EPHB1: variants seen among roughly 807,000 people sequenced by gnomAD.
EPHB1 encodes the protein ephrin type-B receptor 1.
In EPHB1, 30 loss-of-function variants were observed where a neutral mutation model predicts 94.4. The ratio of observed to expected loss-of-function variants is 0.32; its 90% confidence interval spans 0.24 to 0.43. The LOEUF (loss-of-function observed/expected upper bound fraction) is 0.43. EPHB1 is among the 20% of genes least tolerant of loss of function. The probability of loss-of-function intolerance (pLI) is 1.00; values close to 1 mark genes in which losing one functional copy is unlikely to be tolerated. For synonymous variants in EPHB1, 522 were observed against 489.1 expected, an observed-to-expected ratio of 1.07 and a Z score of -0.89; for missense variants, 1,055 against 1,308.3, an observed-to-expected ratio of 0.81 and a Z score of 2.99.
At chr3:134,891,015 C>A (rs2037969247) in intron 1 of EPHB1, among the ~76,000 whole-genome samples, 1 of 152,164 alleles carries the variant, frequency 6.6e-6, no homozygotes. Flanking sequence ...TCCTCCTTTC[C>A]AATTTATACA....
At chr3:135,094,290 G>C (rs1420990714) in intron 3 of EPHB1, among the ~76,000 whole-genome samples, 4 of 152,170 alleles carry the variant, frequency 2.6e-5, no homozygotes, top group African/African-American at 9.7e-5. Flanking sequence ...GAGAGTGAAG[G>C]ACCAGGCCCT....
chr3:134,990,887 G>A (rs1934773333), intron 3 of EPHB1, among the ~76,000 whole-genome samples: 1 of 152,126 alleles, frequency 6.6e-6, no homozygotes, highest in Non-Finnish European at 1.5e-5. Flanking sequence ...CCTGAACTCG[G>A]CAATCTCCCT....
At chr3:134,872,545 C>A (rs991248645) in intron 1 of EPHB1, among the ~76,000 whole-genome samples, 2 of 152,192 alleles carry the variant, frequency 1.3e-5, no homozygotes, top group African/African-American at 2.4e-5. Context: ...TTACACATCA[C>A]AGATTTCCAA....
At chr3:135,096,941 CAA>C (rs1938803603) in intron 3 of EPHB1, among the ~76,000 whole-genome samples, 1 of 151,902 alleles carries the variant, frequency 6.6e-6, no homozygotes, top group Non-Finnish European at 1.5e-5. Context: ...ACTTAAAAAA[CAA>C]AAGTTAGCCA....
intron 13 of EPHB1, among the ~76,000 whole-genome samples, chr3:135,248,012 C>T (rs1943969990): frequency 6.6e-6 from 1 of 152,176 alleles, no homozygotes; most frequent in African/African-American, 2.4e-5. Flanking sequence ...AGCGGAGATG[C>T]TCAAGCTGTT....
intron 12 of EPHB1, among the ~76,000 whole-genome samples, chr3:135,227,774 C>T (rs80137762): frequency 0.016 from 2,434 of 152,146 alleles, 63 homozygotes; most frequent in African/African-American, 0.054. Flanking sequence ...AAAGAAAGTT[C>T]CCAGAATAAG....
rs747593184 is a variant in EPHB1 at position 135,156,127 on chromosome 3, T to G, written c.1422+1851T>G. 9.9e-5 allele frequency among the ~76,000 whole-genome samples: 15 copies of G among 151,904 alleles called. 1 individual carries two copies. Among genetic ancestry groups the G allele is most frequent in the Admixed American group, 8.5e-4 (13 of 15,224 alleles). On this transcript the variant is annotated intron_variant, in intron 6 of 15. Transcript: ENST00000398015. ...CGGCACTGACTGAGAAGGTGATCAC[T>G]GTGGGTAGAGCATATCTGATGTGAG...
At chr3:134,811,256 T>TTTTTTTTTTTTTTTTTTTTG (rs1553853019) in intron 1 of EPHB1, among the ~76,000 whole-genome samples, 1 of 134,866 alleles carries the variant, frequency 7.4e-6, no homozygotes, top group Non-Finnish European at 1.6e-5. Context: ...TTTTTTTTTT[T>TTTTTTTTTTTTTTTTTTTTG]TTTTTTTCTG....
At chr3:134,932,962 C>T (rs893977091) in intron 2 of EPHB1, among the ~76,000 whole-genome samples, 14 of 152,264 alleles carry the variant, frequency 9.2e-5, no homozygotes, top group African/African-American at 3.1e-4. Context: ...TGGACCTGAT[C>T]GCGGATTGCT....
At chr3:135,091,441 C>T (rs1044265947) in intron 3 of EPHB1, among the ~76,000 whole-genome samples, 22 of 152,336 alleles carry the variant, frequency 1.4e-4, no homozygotes, top group African/African-American at 5.3e-4. Context: ...GTTAAAGTCT[C>T]AGCACTCTGC....
At chr3:135,076,626 G>A (rs2103154) in intron 3 of EPHB1, among the ~76,000 whole-genome samples, 62,314 of 152,014 alleles carry the variant, frequency 0.41, 13,453 homozygotes, top group Middle Eastern at 0.5. Context: ...ATATGTCCAT[G>A]AAGTGACTTG....
intron 1 of EPHB1, among the ~76,000 whole-genome samples, chr3:134,877,810 T>G (rs925659815): frequency 1.3e-5 from 2 of 152,166 alleles, no homozygotes; most frequent in African/African-American, 4.8e-5. Context: ...CTGGAGGGCC[T>G]GGGGATGCTG....
chr3:135,014,161 C>T (rs1935715032), intron 3 of EPHB1, among the ~76,000 whole-genome samples: 1 of 152,098 alleles, frequency 6.6e-6, no homozygotes, highest in Admixed American at 6.5e-5. Flanking sequence ...AAACCAGCTA[C>T]CTGGATGCTC....
At chr3:134,844,447 A>G (rs1387531234) in intron 1 of EPHB1, among the ~76,000 whole-genome samples, 1 of 152,152 alleles carries the variant, frequency 6.6e-6, no homozygotes, top group Admixed American at 6.5e-5. Context: ...TTAATTGGGT[A>G]TGTGCACATC....
At chr3:135,170,056 G>C (rs1382255263) in intron 9 of EPHB1, among the ~76,000 whole-genome samples, 1 of 152,202 alleles carries the variant, frequency 6.6e-6, no homozygotes, top group African/African-American at 2.4e-5. Context: ...GTTGCAGACA[G>C]CAATTGGAGC....
intron 1 of EPHB1, among the ~76,000 whole-genome samples, chr3:134,905,025 A>G (rs1474854169): frequency 6.6e-6 from 1 of 152,212 alleles, no homozygotes; most frequent in Non-Finnish European, 1.5e-5. Flanking sequence ...GTAAAACAAA[A>G]GTAATGGGGC....
chr3:134,861,086 G>A (rs1018195337), intron 1 of EPHB1, among the ~76,000 whole-genome samples: 2 of 152,124 alleles, frequency 1.3e-5, no homozygotes, highest in African/African-American at 4.8e-5. Context: ...GAACTGTAAC[G>A]CCAGTTAGAG....
intron 1 of EPHB1, among the ~76,000 whole-genome samples, chr3:134,819,421 A>C (rs776466992): frequency 6.6e-6 from 1 of 152,152 alleles, no homozygotes; most frequent in Non-Finnish European, 1.5e-5. Context: ...CCAGGTTCTC[A>C]TCTCCACTTG....
chr3:135,241,591 C>G (rs1269813401), intron 13 of EPHB1, among the ~76,000 whole-genome samples: 1 of 152,170 alleles, frequency 6.6e-6, no homozygotes, highest in African/African-American at 2.4e-5. Flanking sequence ...AATAGATCAG[C>G]CCCAAATTAA....
Sources: allele counts gnomAD v4.1 joint callset (sites outside exome capture counted in the v4.1 genomes callset), GRCh38; gene constraint gnomAD v4.1.1; transcripts MANE v1.5; gene names NCBI Gene and HGNC (gene_info 2026-07-23, HGNC 2026-07-21).